Variants in AMT observed in about 807,000 individuals in gnomAD.
AMT encodes aminomethyltransferase.
Under a neutral mutation model 39.5 loss-of-function variants are expected in AMT, and 24 were observed. The observed-to-expected ratio is 0.61, with a 90% confidence interval of 0.44 to 0.86. AMT has a LOEUF of 0.86. Among genes scored for constraint, AMT ranks in the 40% least tolerant of loss-of-function variants. The pLI is 0.00. For synonymous variants in AMT, 210 were observed against 212.1 expected, an observed-to-expected ratio of 0.99 and a Z score of 0.09; for missense variants, 501 against 537.0, an observed-to-expected ratio of 0.93 and a Z score of 0.66.
In AMT at chr3:49,422,438, C is replaced by T. The variant is rs764032357; in HGVS notation, c.13G>A (p.Val5Ile). 4 of 1,613,346 alleles carry T rather than the reference C, an allele frequency of 2.5e-6. No individual in the cohort carries two copies. The highest frequency in any genetic ancestry group is 1.7e-5 in the Admixed American group (1 of 59,990). Reference sequence around the variant, plus strand: ...AAGCCCAGACGGGCCACCACACTTACAGCCCTCTGCATCGTCGCCTGCAAC... The same window carrying T: ...AAGCCCAGACGGGCCACCACACTTATAGCCCTCTGCATCGTCGCCTGCAAC... MQRAVSVVARLGFRL... is the reference protein window; with the variant it reads MQRAISVVARLGFRL... Residue 5 changes from valine (V) to isoleucine (I), a missense_variant, in exon 1 of 9, where the codon GTA becomes ATA. Transcript: ENST00000273588.
In AMT at chr3:49,417,605, T is replaced by C. The variant is rs1575302487; in HGVS notation, c.1147A>G (p.Lys383Glu). ...GTMLLVEVRR[K>E]QQMAVVSKMP... ...TTGCTGACTACAGCCATCTGCTGCT[T>C]CCGCCGCACCTCTACCAGCAGCATT... is the stretch of plus-strand genomic sequence containing the variant. The change falls in exon 9 of 9, where the codon AAG becomes GAG. Residue 383 changes from lysine (K) to glutamate (E), a missense_variant. Physicochemically the swap from Lys to Glu is moderately conservative, Grantham distance 56 (BLOSUM62 1). Coordinates refer to ENST00000273588, the MANE Select transcript of AMT (RefSeq NM_000481.4). The C allele has an allele frequency of 1.2e-6, 2 of 1,614,136 alleles. No individual in the cohort carries two copies. The highest frequency in any genetic ancestry group is 1.7e-6 in the Non-Finnish European group (2 of 1,180,024).
chr3:49,417,622 A>G lies in AMT; in HGVS notation c.1130T>C (p.Leu377Pro). ...CEYSRPGTML[L>P]VEVRRKQQMA... ...CTGCTGCTTCCGCCGCACCTCTACC[A>G]GCAGCATTGTCCCTGGACGACTGTA... The change falls in exon 9 of 9, where the codon CTG becomes CCG. Residue 377 changes from leucine (L) to proline (P), a missense_variant. By Grantham distance (98) the Leu-to-Pro change is moderately conservative. Coordinates refer to ENST00000273588, the MANE Select transcript of AMT (RefSeq NM_000481.4). 6.2e-7 allele frequency: 1 copy of G among 1,614,168 alleles called. No individual in the cohort carries two copies. Among genetic ancestry groups the G allele is most frequent in the East Asian group, 2.2e-5 (1 of 44,888 alleles).
intron 5 of AMT, 144 bp downstream of exon 5, chr3:49,419,566 G>GT: frequency 6.9e-7 from 1 of 1,439,856 alleles, no homozygotes; most frequent in Non-Finnish European, 9.8e-7. Context: ...TGGTAGGTAG[G>GT]AGGAGGGCAA....
At position 49,418,494 on chromosome 3, in the gene AMT, C is replaced by CTTTTTTTTTT. The variant is rs3049036; in HGVS notation, c.877+467_877+476dup. 74 of 64,666 alleles carry CTTTTTTTTTT rather than the reference C, an allele frequency of 1.1e-3. 4 individuals carry two copies. Among genetic ancestry groups the CTTTTTTTTTT allele is most frequent in the South Asian group, 2.2e-3 (4 of 1,840 alleles). 4.0% of individuals were successfully genotyped at this position (64,666 alleles called of 1,614,324 possible). On this transcript the variant is annotated intron_variant, in intron 7 of 8. Coordinates refer to ENST00000273588, the MANE Select transcript of AMT (RefSeq NM_000481.4). Reference sequence around the variant, plus strand: ...CCATGCCCGGCAGCATCTTCAGTTTCTTTTTTTTTTTTTTTTTTTTTTTTG... The same window carrying CTTTTTTTTTT: ...CCATGCCCGGCAGCATCTTCAGTTTCTTTTTTTTTTTTTTTTTTTTTTTTTTTTTTTTTTG...
At chr3:49,421,062 G>A (rs1439464903) in intron 3 of AMT, 2 of 271,944 alleles carry the variant, frequency 7.4e-6, no homozygotes, top group Non-Finnish European at 1.5e-5. Flanking sequence ...GCGCCACCAC[G>A]CCCGGCTAAT....
chr3:49,419,824 T>C, intron 4 of AMT, 36 bp from the exon 5 acceptor site: 1 of 1,596,398 alleles, frequency 6.3e-7, no homozygotes, highest in South Asian at 1.1e-5. Flanking sequence ...CTGGGGCCAC[T>C]TACTGAGCAG....
chr3:49,416,987 G>C lies in AMT; in HGVS notation c.*553C>G, dbSNP rs1020823412. ...GACCAACTTGGGAATGTGGAAGAGT[G>C]AGTCTATGTTCCCTCAGCCATCCCC... is the stretch of plus-strand genomic sequence containing the variant. On this transcript the variant is annotated 3_prime_UTR_variant, in exon 9 of 9. Transcript: ENST00000273588. 3.5e-5 allele frequency: 17 copies of C among 491,298 alleles called. No individual in the cohort carries two copies. The highest frequency in any genetic ancestry group is 6.4e-5 in the Non-Finnish European group (16 of 251,708). 30.4% of individuals were successfully genotyped at this position (491,298 alleles called of 1,614,324 possible).
At position 49,417,171 on chromosome 3, in the gene AMT, G is replaced by A. The variant is rs762816596; in HGVS notation, c.*369C>T. ...TTGCAATGTGAAAAACCATGGTGAG[G>A]TAGGTTGGGCAGGTTTTATCCTCTC... On this transcript the variant is annotated 3_prime_UTR_variant, in exon 9 of 9. Transcript: ENST00000273588. 1.1e-5 allele frequency: 12 copies of A among 1,109,332 alleles called. No individual in the cohort carries two copies. In the African/African-American group the frequency reaches 1.5e-4, roughly 14 times the overall value. 68.7% of individuals were successfully genotyped at this position (1,109,332 alleles called of 1,614,324 possible).
chr3:49,420,061 G>C (rs1037863131), intron 4 of AMT, 150 bp downstream of exon 4: 48 of 1,101,414 alleles, frequency 4.4e-5, no homozygotes, highest in Non-Finnish European at 5.8e-5. Context: ...GCGTGCTCCA[G>C]AGAGGGCCTG....
At chr3:49,420,584 C>T in intron 3 of AMT, 1 of 533,354 alleles carries the variant, frequency 1.9e-6, no homozygotes, top group Non-Finnish European at 3.4e-6. Context: ...CCTCTGCACC[C>T]CTCCCCACTC....
rs755288353 is a variant in AMT at position 49,419,355 on chromosome 3, T to G, written c.601A>C (p.Lys201Gln). The G allele has an allele frequency of 1.2e-6, 2 of 1,614,084 alleles. No individual in the cohort carries two copies. The highest frequency in any genetic ancestry group is 1.7e-6 in the Non-Finnish European group (2 of 1,180,040). ...ACAGCACTGGTCATGAAGGGCAGTT[T>G]CCTCAGGTCATCTGCCACGCCGGCC... is the stretch of plus-strand genomic sequence containing the variant. ...LQAGVADDLR[K>Q]LPFMTSAVME... The change falls in exon 6 of 9, where the codon AAA becomes CAA. Residue 201 changes from lysine (K) to glutamine (Q), a missense_variant. Physicochemically the swap from Lys to Gln is moderately conservative, Grantham distance 53. Transcript: ENST00000273588.
Position 49,419,261 on chromosome 3 carries a change from T to G in AMT, c.695A>C (p.Glu232Ala). 1 of 1,613,874 alleles carries G rather than the reference T, an allele frequency of 6.2e-7. No homozygotes were observed. The highest frequency in any genetic ancestry group is 8.5e-7 in the Non-Finnish European group (1 of 1,179,966). ...RCGYTGEDGV[E>A]ISVPVAGAVH... Reference sequence around the variant, plus strand: ...CCCCCACACCACTTCTTGACACACCTCCACACCATCCTCTCCTGTGTAGCC... The same window carrying G: ...CCCCCACACCACTTCTTGACACACCGCCACACCATCCTCTCCTGTGTAGCC... The change falls in exon 6 of 9, where the codon GAG becomes GCG. Residue 232 changes from glutamate (E) to alanine (A), a missense_variant and splice_region_variant. Coordinates refer to ENST00000273588, the MANE Select transcript of AMT (RefSeq NM_000481.4).
chr3:49,418,120 G>A (rs1263932699), intron 7 of AMT, 147 bp from the exon 8 acceptor site: 9 of 1,015,384 alleles, frequency 8.9e-6, no homozygotes, highest in South Asian at 4.2e-5. Context: ...CTTCACTGCC[G>A]TCAGCCAACC....
rs763223038 is a variant in AMT at position 49,422,367 on chromosome 3, G to A, written c.84C>T (p.Cys28=). The change falls in exon 1 of 9, where the codon TGC becomes TGT. Residue 28 remains cysteine (C), a synonymous_variant. Coordinates refer to ENST00000273588, the MANE Select transcript of AMT (RefSeq NM_000481.4). ...TCAGCACCCTCTATCCCACCTGTGC[G>A]CAACTAAGTGGACGACACAAGGCCG... ...FPPALCRPLS[C]AQEVLRRTPL... The A allele has an allele frequency of 2.2e-5, 35 of 1,613,032 alleles. No homozygotes were observed. In the Middle Eastern group the frequency reaches 4.9e-4, roughly 23 times the overall value.
rs2049101689 is a variant in AMT, at chr3:49,421,515, T to C, written c.316A>G (p.Ile106Val). 1.9e-6 allele frequency: 3 copies of C among 1,614,164 alleles called. No homozygotes were observed. The highest frequency in any genetic ancestry group is 2.5e-6 in the Non-Finnish European group (3 of 1,180,028). Residue 106 changes from isoleucine to valine, a missense_variant, in exon 3 of 9, where the codon ATT (isoleucine) becomes GTT (valine). Ile to Val is a conservative substitution (Grantham distance 29). Transcript: ENST00000273588. Reference sequence around the variant, plus strand: ...ACCTGGTTTGGTCTTAGCTCTGCAATGTCTCCAACCACTAGACTCTCCATC... The same window carrying C: ...ACCTGGTTTGGTCTTAGCTCTGCAACGTCTCCAACCACTAGACTCTCCATC... ...KLMESLVVGD[I>V]AELRPNQGTL...
rs1375322793 is a variant in AMT, at chr3:49,417,084, G to A, written c.*456C>T. 5.9e-6 allele frequency: 4 copies of A among 674,502 alleles called. No homozygotes were observed. The highest frequency in any genetic ancestry group is 5.3e-5 in the African/African-American group (3 of 56,694). 41.8% of individuals were successfully genotyped at this position (674,502 alleles called of 1,614,324 possible). ...TCCTGACTTGCAGTAAGGACAATTT[G>A]CATTTACGGAAAGCAAACTGGAGGG... On this transcript the variant is annotated 3_prime_UTR_variant, in exon 9 of 9. Coordinates refer to ENST00000273588, the MANE Select transcript of AMT (RefSeq NM_000481.4).
At position 49,422,289 on chromosome 3, in the gene AMT, T is replaced by C; in HGVS notation, c.91-18A>G. ...AGCACCTCCTGTGGGCGGCTGGGCT[T>C]AGTGCCACCAGGGCCCTAGCCCCCA... On this transcript the variant is annotated intron_variant, in intron 1 of 8. Coordinates refer to ENST00000273588, the MANE Select transcript of AMT (RefSeq NM_000481.4). The C allele has an allele frequency of 6.2e-7, 1 of 1,613,814 alleles. No homozygotes were observed. The highest frequency in any genetic ancestry group is 8.5e-7 in the Non-Finnish European group (1 of 1,179,930).
In AMT at chr3:49,419,797, CAG is replaced by C; in HGVS notation, c.472-11_472-10del. 1.9e-6 allele frequency: 3 copies of C among 1,613,966 alleles called. No homozygotes were observed. The highest frequency in any genetic ancestry group is 2.5e-6 in the Non-Finnish European group (3 of 1,179,932). ...AGCTCCCTGACCTTGTCCTAAAAGA[CAG>C]AAACACAAGAGCATCTGGGGCCACT... On this transcript the variant is annotated splice_polypyrimidine_tract_variant and intron_variant, in intron 4 of 8. Transcript: ENST00000273588.
At chr3:49,420,789 T>A in intron 3 of AMT, 1 of 235,840 alleles carries the variant, frequency 4.2e-6, no homozygotes, top group Non-Finnish European at 8.6e-6. Context: ...CCCCACTGGA[T>A]GGACAAAAAG....
Sources: gnomAD v4.1 joint callset for allele counts on GRCh38, gnomAD v4.1.1 for gene constraint, MANE v1.5 for transcripts, NCBI Gene and HGNC (gene_info 2026-07-23, HGNC 2026-07-21) for gene names.